Variants in KIAA0319L observed in about 807,000 individuals in gnomAD.
The protein encoded by KIAA0319L is KIAA0319 like.
In KIAA0319L, 55 loss-of-function variants were observed where a neutral mutation model predicts 120.1. The ratio of observed to expected loss-of-function variants is 0.46; its 90% CI spans 0.37 to 0.57. KIAA0319L has a LOEUF of 0.57. KIAA0319L is among the 20% of genes least tolerant of loss of function. The probability of loss-of-function intolerance (pLI) is 0.00; values close to 1 mark genes in which losing one functional copy is unlikely to be tolerated. For missense variants in KIAA0319L, 1,049 were observed against 1,255.3 expected, an observed-to-expected ratio of 0.84 and a Z score of 2.48; for synonymous variants, 398 against 471.9, an observed-to-expected ratio of 0.84 and a Z score of 2.03.
intron 2 of KIAA0319L, among the ~76,000 whole-genome samples, chr1:35,515,094 C>T (rs1645625263): frequency 6.6e-6 from 1 of 152,130 alleles, no homozygotes; most frequent in African/African-American, 2.4e-5. Flanking sequence ...AGGTGGATCA[C>T]TTGAGGTCAG....
At chr1:35,526,408 TATAC>T (rs1343156321) in intron 2 of KIAA0319L, among the ~76,000 whole-genome samples, 1 of 136,802 alleles carries the variant, frequency 7.3e-6, no homozygotes, top group East Asian at 2.3e-4. Flanking sequence ...TATATATATA[TATAC>T]ACACATACAT....
chr1:35,453,501 T>C lies in KIAA0319L; in HGVS notation c.1913+56A>G, dbSNP rs1473283426. The C allele has an allele frequency of 7.7e-6, 12 of 1,567,086 alleles. No homozygotes were observed. Among genetic ancestry groups the C allele is most frequent in the Admixed American group, 1.7e-5 (1 of 58,274 alleles). ...CAACTCATAATAGCAAATAAAACCTTGCTCTTCCAAGGTCTGGAGGCTTTG... is the reference window on the plus strand; with the variant it reads ...CAACTCATAATAGCAAATAAAACCTCGCTCTTCCAAGGTCTGGAGGCTTTG... On this transcript the variant is annotated intron_variant, in intron 12 of 20. Coordinates refer to ENST00000325722, the MANE Select transcript of KIAA0319L (RefSeq NM_024874.5). The surrounding 1 kb of genome is among the most constrained non-coding windows in gnomAD (Gnocchi z 4.1).
intron 13 of KIAA0319L, among the ~76,000 whole-genome samples, chr1:35,451,333 C>A (rs1421392532): frequency 7.2e-5 from 11 of 152,128 alleles, no homozygotes; most frequent in Non-Finnish European, 1.5e-5. Flanking sequence ...ACCCTTAATT[C>A]TTTCCCTATT....
At chr1:35,483,847 C>G (rs902938401) in intron 3 of KIAA0319L, among the ~76,000 whole-genome samples, 4 of 152,144 alleles carry the variant, frequency 2.6e-5, no homozygotes, top group Admixed American at 2.0e-4. Context: ...TTGGCAGGGC[C>G]ATACTGCCTC....
intron 9 of KIAA0319L, among the ~76,000 whole-genome samples, chr1:35,458,890 C>T (rs1256144503): frequency 6.6e-6 from 1 of 151,702 alleles, no homozygotes; most frequent in Non-Finnish European, 1.5e-5. Flanking sequence ...TAGAAGGCTC[C>T]AATCTTGTTG....
chr1:35,527,950 T>C (rs1646217060), intron 2 of KIAA0319L, among the ~76,000 whole-genome samples: 1 of 152,174 alleles, frequency 6.6e-6, no homozygotes, highest in African/African-American at 2.4e-5. Context: ...TTCTAGTTCC[T>C]TAAGGTCCAT....
intron 1 of KIAA0319L, among the ~76,000 whole-genome samples, chr1:35,555,632 G>A (rs1165241282): frequency 1.3e-5 from 2 of 152,216 alleles, no homozygotes; most frequent in African/African-American, 4.8e-5. Context: ...ATGTTCAAGA[G>A]ATTATGAAAT....
intron 7 of KIAA0319L, among the ~76,000 whole-genome samples, chr1:35,464,694 G>T (rs775758848): frequency 2.0e-5 from 3 of 152,214 alleles, no homozygotes; most frequent in Non-Finnish European, 4.4e-5. Context: ...TGTCTCTAGG[G>T]CATGTGAGAG....
intron 4 of KIAA0319L, among the ~76,000 whole-genome samples, chr1:35,477,149 C>A (rs1166963152): frequency 6.6e-6 from 1 of 151,996 alleles, no homozygotes; most frequent in East Asian, 1.9e-4. Flanking sequence ...AAGAGACAAC[C>A]CACAGAATGG....
chr1:35,441,041 C>G lies in KIAA0319L; in HGVS notation c.2962+6G>C, dbSNP rs778144519. 9 of 1,611,696 alleles carry G rather than the reference C, an allele frequency of 5.6e-6. No individual in the cohort carries two copies. Among genetic ancestry groups the G allele is most frequent in the Non-Finnish European group, 1.7e-6 (2 of 1,177,756 alleles). On this transcript the variant is annotated splice_donor_region_variant and intron_variant, in intron 20 of 20. Transcript: ENST00000325722. ...ACCTAGAAGCTCTGGCACCCAGGGC[C>G]CCTACCTGCTCGGGAGGTTGGCTTC...
chr1:35,506,652 G>C lies in KIAA0319L; in HGVS notation c.626C>G (p.Ser209Cys). 1.2e-6 allele frequency: 2 copies of C among 1,614,098 alleles called. No homozygotes were observed. The highest frequency in any genetic ancestry group is 1.7e-6 in the Non-Finnish European group (2 of 1,179,980). ...IVTQHSKVND[S>C]NELGGLTTSG... Reference sequence around the variant, plus strand: ...GGTAGTCAGACCACCTAATTCGTTGGAGTCATTCACTTTAGAATGCTGTGT... The same window carrying C: ...GGTAGTCAGACCACCTAATTCGTTGCAGTCATTCACTTTAGAATGCTGTGT... Residue 209 changes from serine to cysteine, a missense_variant, in exon 3 of 21, where the codon TCC becomes TGC. Coordinates refer to ENST00000325722, the MANE Select transcript of KIAA0319L (RefSeq NM_024874.5). This position sits in a 1 kb window ranked among gnomAD's most constrained non-coding sequence, Gnocchi z 4.0.
In KIAA0319L at chr1:35,434,998, A is replaced by G. The variant is rs377631618; in HGVS notation, c.3046T>C (p.Trp1016Arg). ...AGTTTGCCCTTCTCTCGGTCTGGCCATGTAAAGATGGCATCATCGCTGTCC... is the reference window on the plus strand; with the variant it reads ...AGTTTGCCCTTCTCTCGGTCTGGCCGTGTAAAGATGGCATCATCGCTGTCC... ...ELDSDDAIFT[W>R]PDREKGKLLH... The change falls in exon 21 of 21, where the codon TGG becomes CGG. Residue 1016 changes from tryptophan (W) to arginine (R), a missense_variant. By Grantham distance (101) the Trp-to-Arg change is moderately radical. Coordinates refer to ENST00000325722, the MANE Select transcript of KIAA0319L (RefSeq NM_024874.5). 8.1e-6 allele frequency: 13 copies of G among 1,614,080 alleles called. No homozygotes were observed. The highest frequency in any genetic ancestry group is 4.5e-5 in the East Asian group (2 of 44,878).
chr1:35,451,870 G>A, intron 12 of KIAA0319L, 94 bp from the exon 13 acceptor site: 1 of 1,274,060 alleles, frequency 7.8e-7, no homozygotes, highest in Non-Finnish European at 1.1e-6. Flanking sequence ...CCTCAGCAAA[G>A]ACACGAACTA....
intron 2 of KIAA0319L, among the ~76,000 whole-genome samples, chr1:35,518,322 T>A (rs933750873): frequency 3.3e-5 from 5 of 152,144 alleles, no homozygotes; most frequent in African/African-American, 1.2e-4. Context: ...ACCTAAATGT[T>A]CATCAGTGAC....
intron 2 of KIAA0319L, among the ~76,000 whole-genome samples, chr1:35,543,537 C>T (rs1646870610): frequency 1.3e-5 from 2 of 152,142 alleles, no homozygotes; most frequent in African/African-American, 4.8e-5. Context: ...AGATTAAGAC[C>T]AATGCATATT....
chr1:35,473,990 G>A (rs1235249537), intron 5 of KIAA0319L, among the ~76,000 whole-genome samples: 1 of 152,144 alleles, frequency 6.6e-6, no homozygotes, highest in Non-Finnish European at 1.5e-5. Context: ...TGAAAGTAAT[G>A]TTCATATTAC....
intron 3 of KIAA0319L, among the ~76,000 whole-genome samples, chr1:35,505,934 C>T (rs186773179): frequency 5.6e-4 from 86 of 152,270 alleles, no homozygotes; most frequent in African/African-American, 1.9e-3. Flanking sequence ...ACAACTAGGA[C>T]AAAACAAATA....
chr1:35,502,276 GA>G (rs1213650955), intron 3 of KIAA0319L, among the ~76,000 whole-genome samples: 100 of 86,794 alleles, frequency 1.2e-3, no homozygotes, highest in East Asian at 1.3e-3. Context: ...TCTGTCTCAA[GA>G]AAAAAAAAAA....
chr1:35,506,198 T>C lies in KIAA0319L; in HGVS notation c.666+414A>G, dbSNP rs76148507. Among the ~76,000 whole-genome samples, 1,875 of 152,282 alleles carry C rather than the reference T, an allele frequency of 0.012. 41 individuals are homozygous for C. Among genetic ancestry groups the C allele is most frequent in the African/African-American group, 0.043 (1,782 of 41,544 alleles). On this transcript the variant is annotated intron_variant, in intron 3 of 20. Transcript: ENST00000325722. The surrounding 1 kb of genome is among the most constrained non-coding windows in gnomAD (Gnocchi z 4.0). ...CAAGCATGGTTAATTCTGACTGGAATAGAAACTACCTCATAAAGAATGTGT... is the reference window on the plus strand; with the variant it reads ...CAAGCATGGTTAATTCTGACTGGAACAGAAACTACCTCATAAAGAATGTGT...
Sources: gnomAD v4.1 joint callset for allele counts (sites outside exome capture counted in the v4.1 genomes callset) on GRCh38, gnomAD v4.1.1 for gene constraint, Gnocchi (gnomAD v3.1) non-coding constraint, MANE v1.5 for transcripts, NCBI Gene and HGNC (gene_info 2026-07-23, HGNC 2026-07-21) for gene names.